The following CEP290 variants were observed in gnomAD, a reference collection of about 807,000 sequenced individuals.
CEP290 encodes the protein centrosomal protein 290, also known as centrosomal protein of 290 kDa.
A neutral mutation model predicts 344.9 loss-of-function variants in CEP290; 317 were observed. The observed-to-expected ratio is 0.92, with a 90% CI of 0.84 to 1.01. The LOEUF is 1.01. CEP290 is among the 50% of genes least tolerant of loss of function. The pLI is 0.00. For synonymous variants in CEP290, 932 were observed against 895.8 expected, an observed-to-expected ratio of 1.04 and a Z score of -0.72; for missense variants, 2,754 against 2,761.4, an observed-to-expected ratio of 1.00 and a Z score of 0.06.
intron 37 of CEP290, among the ~76,000 whole-genome samples, chr12:88,081,346 C>G (rs1280925780): frequency 6.6e-6 from 1 of 152,134 alleles, no homozygotes; most frequent in East Asian, 1.9e-4. Flanking sequence ...GTTTATGGTT[C>G]AAATTCACTA....
chr12:88,055,248 C>G (rs2033902081), intron 50 of CEP290, among the ~76,000 whole-genome samples: 1 of 152,042 alleles, frequency 6.6e-6, no homozygotes. Context: ...GAGATACCAG[C>G]TTGGAAATTA....
intron 27 of CEP290, 103 bp from the exon 28 acceptor site, chr12:88,094,078 G>C: frequency 1.1e-6 from 1 of 882,998 alleles, no homozygotes. Flanking sequence ...TCCATGGAAA[G>C]CACATTAGCT....
At position 88,126,357 on chromosome 12, in the gene CEP290, G is replaced by T. The variant is rs1471970975; in HGVS notation, c.1024C>A (p.Gln342Lys). ...HNLREKLKNA[Q>K]LDADKSNVMA... ...ACATTACTTTTATCAGCATCAAGCTGAGCATTCTTAAGTTTCTCCCTTAGG... is the reference window on the plus strand; with the variant it reads ...ACATTACTTTTATCAGCATCAAGCTTAGCATTCTTAAGTTTCTCCCTTAGG... Residue 342 changes from glutamine (Q) to lysine (K), a missense_variant, in exon 12 of 54, where the codon CAG (glutamine) becomes AAG (lysine). Physicochemically the swap from Gln to Lys is moderately conservative, Grantham distance 53 (BLOSUM62 1). Transcript: ENST00000552810. 7 of 1,504,642 alleles carry T rather than the reference G, an allele frequency of 4.7e-6. No homozygotes were observed. Among genetic ancestry groups the T allele is most frequent in the Non-Finnish European group, 6.2e-6 (7 of 1,131,526 alleles). The allele number at this position is 1,504,642 out of a possible 1,614,324, so 93.2% of individuals were successfully genotyped here.
In CEP290 at chr12:88,131,220, TA is replaced by T; in HGVS notation, c.442-3del. On this transcript the variant is annotated splice_region_variant and splice_polypyrimidine_tract_variant and intron_variant, in intron 6 of 53. Coordinates refer to ENST00000552810, the MANE Select transcript of CEP290 (RefSeq NM_025114.4). ...TGCCTCCTCATTTCGAAGAGCCAACTAAAATAGTAAAAAAAAAAAATAAATA... is the reference window on the plus strand; with the variant it reads ...TGCCTCCTCATTTCGAAGAGCCAACTAAATAGTAAAAAAAAAAAATAAATA... The T allele has an allele frequency of 6.8e-7, 1 of 1,468,900 alleles. No individual in the cohort carries two copies. The highest frequency in any genetic ancestry group is 9.0e-7 in the Non-Finnish European group (1 of 1,112,238). The allele number at this position is 1,468,900 out of a possible 1,614,324, so 91.0% of individuals were successfully genotyped here. A position where few individuals can be genotyped will look rare whatever the true frequency, so the allele number is the denominator to read the frequency against.
chr12:88,126,239 T>C lies in CEP290; in HGVS notation c.1065+77A>G, dbSNP rs1565908668. The C allele has an allele frequency of 7.4e-6, 9 of 1,221,340 alleles. 1 individual carries two copies. Among genetic ancestry groups the C allele is most frequent in the Non-Finnish European group, 9.6e-6 (9 of 934,190 alleles). The allele number at this position is 1,221,340 out of a possible 1,614,324, so 75.7% of individuals were successfully genotyped here. ...GCCGCTACACTAGGCACTGATGATATAATAAATAAAAGACATCGTTCAGAG... is the reference window on the plus strand; with the variant it reads ...GCCGCTACACTAGGCACTGATGATACAATAAATAAAAGACATCGTTCAGAG... On this transcript the variant is annotated intron_variant, in intron 12 of 53. Transcript: ENST00000552810.
rs1313927656 is a variant in CEP290 at position 88,114,495 on chromosome 12, C to T, written c.1977G>A (p.Lys659=). 3.2e-6 allele frequency: 5 copies of T among 1,546,718 alleles called. No homozygotes were observed. The highest frequency in any genetic ancestry group is 4.0e-5 in the Admixed American group (2 of 50,358). ...TAACATCAGGATCTTTCTGCATTTC[C>T]TTAATTGCTTGCAATATTTCTTTCA... ...EGMKEILQAI[K]EMQKDPDVKG... The change falls in exon 20 of 54, where the codon AAG becomes AAA. Residue 659 remains lysine (K), a synonymous_variant. Coordinates refer to ENST00000552810, the MANE Select transcript of CEP290 (RefSeq NM_025114.4).
Position 88,085,978 on chromosome 12 carries a change from T to G in CEP290, c.4437+61A>C, listed in dbSNP as rs2036545857. 4.1e-6 allele frequency: 6 copies of G among 1,454,958 alleles called. No homozygotes were observed. In the South Asian group the frequency reaches 8.1e-5, roughly 20 times the overall value. The allele number at this position is 1,454,958 out of a possible 1,614,324, so 90.1% of individuals were successfully genotyped here. A position where few individuals can be genotyped will look rare whatever the true frequency, so the allele number is the denominator to read the frequency against. On this transcript the variant is annotated intron_variant, in intron 34 of 53. Transcript: ENST00000552810. ...ATTGCCCTCATAAAGAAATATTATT[T>G]AGAAAGCCCCCCAAACATACCAAAT...
chr12:88,123,409 A>C (rs2039533731), intron 13 of CEP290, among the ~76,000 whole-genome samples: 1 of 152,130 alleles, frequency 6.6e-6, no homozygotes, highest in Non-Finnish European at 1.5e-5. Context: ...TTGAACCAAA[A>C]ATGACCATTG....
chr12:88,070,078 G>A (rs762695615), intron 43 of CEP290, among the ~76,000 whole-genome samples: 1 of 152,100 alleles, frequency 6.6e-6, no homozygotes, highest in African/African-American at 2.4e-5. Flanking sequence ...ATATAACTTG[G>A]AAAGAGATTG....
intron 47 of CEP290, 55 bp downstream of exon 47, chr12:88,060,775 A>G: frequency 7.5e-7 from 1 of 1,340,120 alleles, no homozygotes; most frequent in South Asian, 1.4e-5. Flanking sequence ...ATTTTCCTAA[A>G]TAGTAACAAA....
intron 44 of CEP290, 114 bp from the exon 45 acceptor site, chr12:88,064,229 T>G: frequency 2.3e-6 from 2 of 883,062 alleles, no homozygotes; most frequent in South Asian, 3.6e-5. Flanking sequence ...CAAAGGAATA[T>G]GAGAAAATCG....
At chr12:88,072,180 G>C (rs1470418423) in intron 41 of CEP290, among the ~76,000 whole-genome samples, 2 of 151,920 alleles carry the variant, frequency 1.3e-5, no homozygotes, top group Admixed American at 1.3e-4. Flanking sequence ...CTTAGGGATG[G>C]GTCCCAAGTC....
chr12:88,053,497 A>G (rs975795469), intron 52 of CEP290, among the ~76,000 whole-genome samples, 155 bp downstream of exon 52: 4 of 151,852 alleles, frequency 2.6e-5, no homozygotes, highest in Non-Finnish European at 4.4e-5. Flanking sequence ...ATATTTTTAT[A>G]TTAATAGCAC....
chr12:88,121,918 A>C (rs1205253650), intron 13 of CEP290, among the ~76,000 whole-genome samples: 1 of 152,174 alleles, frequency 6.6e-6, no homozygotes, highest in Admixed American at 6.6e-5. Flanking sequence ...TTTAATCCAA[A>C]CTAAGCTAAA....
intron 52 of CEP290, among the ~76,000 whole-genome samples, chr12:88,052,520 C>T (rs1223788224): frequency 1.3e-5 from 2 of 152,026 alleles, no homozygotes; most frequent in East Asian, 1.9e-4. Context: ...AATATATATA[C>T]GTAAATGCAA....
chr12:88,107,227 G>C (rs2038351750), intron 23 of CEP290, 129 bp from the exon 24 acceptor site: 1 of 506,858 alleles, frequency 2.0e-6, no homozygotes, highest in Non-Finnish European at 3.3e-6. Flanking sequence ...TTCAGTATCT[G>C]AAAACACAAG....
intron 4 of CEP290, 147 bp from the exon 5 acceptor site, chr12:88,139,338 TAA>T (rs2040510644): frequency 7.9e-6 from 4 of 508,700 alleles, no homozygotes; most frequent in African/African-American, 2.0e-5. Context: ...GGCAGATCCA[TAA>T]AATAGGAGTC....
At chr12:88,126,763 T>G (rs561684195) in intron 11 of CEP290, among the ~76,000 whole-genome samples, 13 of 152,210 alleles carry the variant, frequency 8.5e-5, no homozygotes, top group African/African-American at 2.9e-4. Context: ...CAATTGATCT[T>G]TATGAAGTAT....
chr12:88,098,050 T>G (rs966004719), intron 26 of CEP290, among the ~76,000 whole-genome samples: 2 of 152,064 alleles, frequency 1.3e-5, no homozygotes, highest in African/African-American at 4.8e-5. Context: ...CTCACACCTG[T>G]AATCCCAGCA....
Sources: allele counts gnomAD v4.1 joint callset (sites outside exome capture counted in the v4.1 genomes callset), GRCh38; gene constraint gnomAD v4.1.1; transcripts MANE v1.5; gene names NCBI Gene and HGNC (gene_info 2026-07-23, HGNC 2026-07-21).